The following CTNNA3 variants were observed in gnomAD, a reference collection of about 807,000 sequenced individuals.
CTNNA3 encodes the protein catenin alpha 3.
A neutral mutation model predicts 95.7 loss-of-function variants in CTNNA3; 76 were observed. The ratio of observed to expected loss-of-function variants is 0.79; its 90% confidence interval spans 0.66 to 0.96. The LOEUF is 0.96. CTNNA3 is among the 40% of genes least tolerant of loss of function. CTNNA3 has a pLI of 0.00. For missense variants in CTNNA3, 1,191 were observed against 1,089.8 expected, an observed-to-expected ratio of 1.09 and a Z score of -1.31; for synonymous variants, 431 against 374.4, an observed-to-expected ratio of 1.15 and a Z score of -1.74.
intron 5 of CTNNA3, among the ~76,000 whole-genome samples, chr10:67,443,124 C>G (rs963508372): frequency 6.8e-6 from 1 of 146,264 alleles, no homozygotes; most frequent in African/African-American, 2.5e-5. Context: ...AGGACATGAA[C>G]TCATCATTTT....
intron 1 of CTNNA3, among the ~76,000 whole-genome samples, chr10:67,673,572 G>T (rs557409874): frequency 2.7e-5 from 4 of 146,560 alleles, no homozygotes; most frequent in Non-Finnish European, 4.6e-5. Context: ...TAGCATGAAG[G>T]GTTGTTGAAT....
intron 1 of CTNNA3, among the ~76,000 whole-genome samples, chr10:67,655,433 A>G (rs930623462): frequency 3.3e-5 from 5 of 152,250 alleles, no homozygotes; most frequent in African/African-American, 9.6e-5. Context: ...GCAACTAGTG[A>G]AAGACTGTCA....
intron 10 of CTNNA3, among the ~76,000 whole-genome samples, chr10:66,538,553 A>T (rs529409957): frequency 6.6e-6 from 1 of 152,324 alleles, no homozygotes; most frequent in African/African-American, 2.4e-5. Flanking sequence ...CCTTTCTGAC[A>T]GTTCAGCTTG....
At chr10:66,899,723 C>G (rs566180478) in intron 7 of CTNNA3, among the ~76,000 whole-genome samples, 63 of 152,222 alleles carry the variant, frequency 4.1e-4, no homozygotes, top group Non-Finnish European at 7.9e-4. Context: ...CAGCAGGTAC[C>G]ACGCCCATAG....
chr10:67,744,337 G>T (rs1284415330), intron 1 of CTNNA3, among the ~76,000 whole-genome samples: 3 of 151,164 alleles, frequency 2.0e-5, no homozygotes, highest in Non-Finnish European at 3.0e-5. Flanking sequence ...AGAGCCCTCA[G>T]AAATAATGCC....
chr10:67,387,241 CT>C (rs1386362762), intron 5 of CTNNA3, among the ~76,000 whole-genome samples: 6 of 152,156 alleles, frequency 3.9e-5, no homozygotes, highest in African/African-American at 1.4e-4. Flanking sequence ...CATTGCCTCA[CT>C]GGGGAAGCGC....
intron 2 of CTNNA3, among the ~76,000 whole-genome samples, chr10:67,615,333 G>C (rs1436151766): frequency 6.6e-6 from 1 of 152,174 alleles, no homozygotes; most frequent in Non-Finnish European, 1.5e-5. Flanking sequence ...AAAGCAAAGA[G>C]ATTTACGTGT....
intron 7 of CTNNA3, among the ~76,000 whole-genome samples, chr10:66,957,521 G>A (rs904253293): frequency 1.3e-5 from 2 of 150,622 alleles, no homozygotes; most frequent in African/African-American, 4.9e-5. Context: ...TGGGCATAGT[G>A]GGAAGGACAT....
chr10:66,877,893 T>A (rs1844685323), intron 7 of CTNNA3, among the ~76,000 whole-genome samples: 1 of 152,156 alleles, frequency 6.6e-6, no homozygotes, highest in South Asian at 2.1e-4. Flanking sequence ...AGATTTATAA[T>A]GTTCAAAACT....
chr10:66,582,761 G>A (rs1843231810), intron 10 of CTNNA3, among the ~76,000 whole-genome samples: 1 of 151,760 alleles, frequency 6.6e-6, no homozygotes, highest in African/African-American at 2.4e-5. Flanking sequence ...TCAGTATGAT[G>A]TTGGCTATGG....
At chr10:65,964,840 T>C (rs1397103820) in intron 17 of CTNNA3, among the ~76,000 whole-genome samples, 1 of 152,174 alleles carries the variant, frequency 6.6e-6, no homozygotes, top group African/African-American at 2.4e-5. Flanking sequence ...AAAAGGAATA[T>C]ACAGTAGTTA....
chr10:67,519,273 G>A (rs1839911865), intron 5 of CTNNA3, among the ~76,000 whole-genome samples: 1 of 151,936 alleles, frequency 6.6e-6, no homozygotes. Flanking sequence ...CATAGAAGGG[G>A]ACAGAAAATA....
intron 5 of CTNNA3, among the ~76,000 whole-genome samples, chr10:67,510,301 T>C (rs1395964821): frequency 6.6e-6 from 1 of 152,208 alleles, no homozygotes; most frequent in African/African-American, 2.4e-5. Context: ...GGTTTTCTTC[T>C]AGTGTTTTTA....
chr10:67,442,930 T>A (rs1381441465), intron 5 of CTNNA3, among the ~76,000 whole-genome samples: 1 of 140,464 alleles, frequency 7.1e-6, no homozygotes, highest in Non-Finnish European at 1.6e-5. Context: ...TATCTCCTAA[T>A]GCTATCCCTC....
chr10:67,109,444 A>G (rs1858806684), intron 7 of CTNNA3, among the ~76,000 whole-genome samples: 1 of 152,182 alleles, frequency 6.6e-6, no homozygotes, highest in Non-Finnish European at 1.5e-5. Flanking sequence ...TGCTTATGGC[A>G]CTTTTTAATT....
chr10:67,114,188 T>C (rs777181964), intron 7 of CTNNA3, among the ~76,000 whole-genome samples: 13 of 152,126 alleles, frequency 8.5e-5, no homozygotes, highest in African/African-American at 1.2e-4. Context: ...TATCACCAAC[T>C]TTCTTTGAAA....
At chr10:67,327,632 A>G (rs1841594944) in intron 5 of CTNNA3, among the ~76,000 whole-genome samples, 1 of 152,166 alleles carries the variant, frequency 6.6e-6, no homozygotes, top group Admixed American at 6.5e-5. Context: ...GTGCTCCCAG[A>G]CCACTGGTCA....
intron 13 of CTNNA3, among the ~76,000 whole-genome samples, chr10:66,220,626 A>T (rs2088874975): frequency 6.6e-6 from 1 of 152,188 alleles, no homozygotes; most frequent in South Asian, 2.1e-4. Context: ...GGCCGCACAA[A>T]CGAATTGAAG....
chr10:66,591,688 T>C (rs1462683852), intron 10 of CTNNA3, among the ~76,000 whole-genome samples: 1 of 152,118 alleles, frequency 6.6e-6, no homozygotes, highest in Non-Finnish European at 1.5e-5. Context: ...TATTCCCACA[T>C]AGTATTCTCT....
Sources: gnomAD v4.1 joint callset for allele counts (sites outside exome capture counted in the v4.1 genomes callset) on GRCh38, gnomAD v4.1.1 for gene constraint, MANE v1.5 for transcripts, NCBI Gene and HGNC (gene_info 2026-07-23, HGNC 2026-07-21) for gene names.